The following KMT2C variants were observed in gnomAD, a reference collection of about 807,000 sequenced individuals.
The protein encoded by KMT2C is histone-lysine N-methyltransferase 2C.
Under a neutral mutation model 507.9 loss-of-function variants are expected in KMT2C, and 88 were observed. The ratio of observed to expected loss-of-function variants is 0.17; its 90% CI spans 0.15 to 0.21. The LOEUF is 0.21. KMT2C is among the 10% of genes least tolerant of loss of function. KMT2C has a pLI of 1.00. For missense variants in KMT2C, 4,954 were observed against 5,957.8 expected, an observed-to-expected ratio of 0.83 and a Z score of 5.55; for synonymous variants, 2,049 against 2,080.8, an observed-to-expected ratio of 0.98 and a Z score of 0.42.
At chr7:152,255,792 A>T (rs2095651374) in intron 9 of KMT2C, among the ~76,000 whole-genome samples, 1 of 152,214 alleles carries the variant, frequency 6.6e-6, no homozygotes, top group South Asian at 2.1e-4. Context: ...GTTTTTAGAA[A>T]ACTGAATAGC....
rs2129120295 is a variant in KMT2C, at chr7:152,181,759, G to A, written c.6101C>T (p.Ala2034Val). 3 of 1,614,162 alleles carry A rather than the reference G, an allele frequency of 1.9e-6. No individual in the cohort carries two copies. Among genetic ancestry groups the A allele is most frequent in the Non-Finnish European group, 2.5e-6 (3 of 1,180,034 alleles). Residue 2034 changes from alanine (A) to valine (V), a missense_variant, in exon 36 of 59, where the codon GCA becomes GTA. Around this residue, in one of 29 missense-constraint regions of KMT2C, gnomAD observed 1,689 missense variants for 1,654.3 expected, o/e 1.02. Coordinates refer to ENST00000262189, the MANE Select transcript of KMT2C (RefSeq NM_170606.3). The stretch of plus-strand genomic sequence containing the variant: ...AGGTCCAGGACCACTATCAAGAGGT[G>A]CAGGTGTCAACAAGGGTCGTGCATA... Reference protein sequence around the residue: ...DSYARPLLTPAPLDSGPGPFK... With the variant: ...DSYARPLLTPVPLDSGPGPFK...
At chr7:152,319,999 C>T (rs2096757599) in intron 3 of KMT2C, among the ~76,000 whole-genome samples, 1 of 152,048 alleles carries the variant, frequency 6.6e-6, no homozygotes, top group South Asian at 2.1e-4. Context: ...GGGCCACTAC[C>T]GGTCTCCGCG....
chr7:152,178,014 TTAAAAAAAA>T lies in KMT2C; in HGVS notation c.7443-13_7443-5del. 8.9e-7 allele frequency: 1 copy of T among 1,129,686 alleles called. No homozygotes were observed. Among genetic ancestry groups the T allele is most frequent in the Non-Finnish European group, 1.1e-6 (1 of 936,118 alleles). 70.0% of individuals were successfully genotyped at this position (1,129,686 alleles called of 1,614,324 possible). ...ACTACCTCCTGGAAATCCAAATCTT[TTAAAAAAAA>T]AAAAAAAAAAAAAAAAAAAGCAAAT... On this transcript the variant is annotated splice_polypyrimidine_tract_variant and splice_region_variant and intron_variant, in intron 37 of 58. Transcript: ENST00000262189.
rs777205848 is a variant in KMT2C at position 152,176,348 on chromosome 7, T to C, written c.9105A>G (p.Gln3035=). The change falls in exon 38 of 59, where the codon CAA becomes CAG. Residue 3035 remains glutamine, a synonymous_variant. Coordinates refer to ENST00000262189, the MANE Select transcript of KMT2C (RefSeq NM_170606.3). ...TCTCTCTATTCTGCTGTGCTAATGT[T>C]TGAGGAATCATTAGCTGTTGGGGTC... The part of the protein sequence containing the change: ...MSGPQQLMIP[Q]TLAQQNRERP... The C allele has an allele frequency of 2.4e-5, 38 of 1,614,000 alleles. No homozygotes were observed. Among genetic ancestry groups the C allele is most frequent in the African/African-American group, 5.3e-5 (4 of 74,892 alleles).
intron 16 of KMT2C, among the ~76,000 whole-genome samples, chr7:152,234,488 T>C (rs146045002): frequency 0.013 from 1,975 of 152,206 alleles, 47 homozygotes; most frequent in African/African-American, 0.045. Flanking sequence ...TATAAGAAGA[T>C]ACATTTCCAC....
chr7:152,428,458 CAAAAA>C (rs140697569), intron 1 of KMT2C, among the ~76,000 whole-genome samples: 3 of 73,520 alleles, frequency 4.1e-5, no homozygotes, highest in Non-Finnish European at 5.2e-5. Context: ...ACTAAAAATA[CAAAAA>C]AAAAAAAAAA....
At chr7:152,418,616 C>T (rs557065258) in intron 1 of KMT2C, among the ~76,000 whole-genome samples, 72 of 150,964 alleles carry the variant, frequency 4.8e-4, no homozygotes, top group Non-Finnish European at 9.8e-4. Flanking sequence ...ATTTTTAGTA[C>T]AGAGGGGGTT....
At chr7:152,226,021 T>C (rs1022839894) in intron 18 of KMT2C, among the ~76,000 whole-genome samples, 2 of 151,912 alleles carry the variant, frequency 1.3e-5, no homozygotes, top group Admixed American at 6.6e-5. Flanking sequence ...AGGATGGAGG[T>C]GTATTTTAAG....
intron 1 of KMT2C, among the ~76,000 whole-genome samples, chr7:152,432,788 G>A (rs2097875599): frequency 1.3e-5 from 2 of 152,198 alleles, no homozygotes; most frequent in African/African-American, 2.4e-5. Flanking sequence ...CTTGAGGAAA[G>A]TGTAATTGGT....
intron 23 of KMT2C, among the ~76,000 whole-genome samples, chr7:152,212,384 C>T (rs1415896098): frequency 2.0e-5 from 3 of 152,220 alleles, no homozygotes; most frequent in Non-Finnish European, 4.4e-5. Context: ...AGGATGCCTA[C>T]TCTTAACACT....
intron 23 of KMT2C, among the ~76,000 whole-genome samples, chr7:152,210,485 G>A (rs1348755586): frequency 2.0e-5 from 3 of 151,928 alleles, no homozygotes; most frequent in Non-Finnish European, 4.4e-5. Context: ...TGCTTTAAAT[G>A]CAGCCCAACA....
intron 1 of KMT2C, among the ~76,000 whole-genome samples, chr7:152,423,029 A>C (rs922164124): frequency 4.0e-5 from 6 of 151,454 alleles, no homozygotes; most frequent in African/African-American, 1.5e-4. Context: ...AAAAAAAAAA[A>C]AGAAAAAAAG....
At position 152,136,747 on chromosome 7, in the gene KMT2C, T is replaced by G; in HGVS notation, c.*85A>C. 1.0e-6 allele frequency: 1 copy of G among 959,874 alleles called. No individual in the cohort carries two copies. The allele number at this position is 959,874 out of a possible 1,614,324, so 59.5% of individuals were successfully genotyped here. ...AGTCATAAAACAGAAAACAAAAATC[T>G]CTTTCTGTCTGCAAAATTCCAATGG... On this transcript the variant is annotated 3_prime_UTR_variant, in exon 59 of 59. Transcript: ENST00000262189.
chr7:152,329,141 T>C (rs2129210973), intron 3 of KMT2C, among the ~76,000 whole-genome samples: 1 of 152,188 alleles, frequency 6.6e-6, no homozygotes, highest in Non-Finnish European at 1.5e-5. Context: ...AGACAAAAAG[T>C]AGACAAGATA....
At chr7:152,342,915 C>G (rs1460128866) in intron 2 of KMT2C, among the ~76,000 whole-genome samples, 1 of 152,146 alleles carries the variant, frequency 6.6e-6, no homozygotes, top group Non-Finnish European at 1.5e-5. Context: ...AGAGAACTAT[C>G]TAACTTTAGC....
At position 152,162,473 on chromosome 7, in the gene KMT2C, A is replaced by C; in HGVS notation, c.11104T>G (p.Ser3702Ala). 1 of 1,614,182 alleles carries C rather than the reference A, an allele frequency of 6.2e-7. No individual in the cohort carries two copies. Among genetic ancestry groups the C allele is most frequent in the South Asian group, 1.1e-5 (1 of 91,080 alleles). Residue 3702 changes from serine (S) to alanine (A), a missense_variant, in exon 43 of 59, where the codon TCA becomes GCA. This residue lies in a region of KMT2C where 801 missense variants were observed against 751.2 expected (regional missense o/e 1.07). Coordinates refer to ENST00000262189, the MANE Select transcript of KMT2C (RefSeq NM_170606.3). The stretch of plus-strand genomic sequence containing the variant: ...TCCATGGAGAGCTTGTCTACTTCTG[A>C]ATTTGCATACGTCTGTTGATTTGGA... ...ATPNQQTYANSEVDKLSMETP... is the reference protein window; with the variant it reads ...ATPNQQTYANAEVDKLSMETP...
At chr7:152,330,469 AT>A in intron 3 of KMT2C, 131 bp downstream of exon 3, 1 of 860,548 alleles carries the variant, frequency 1.2e-6, no homozygotes, top group Non-Finnish European at 1.8e-6. Context: ...TCAGCTTCAA[AT>A]TTAGCTACTA....
At chr7:152,362,801 A>C (rs946158102) in intron 1 of KMT2C, among the ~76,000 whole-genome samples, 2 of 152,092 alleles carry the variant, frequency 1.3e-5, no homozygotes, top group African/African-American at 4.8e-5. Flanking sequence ...GCATTGCCCT[A>C]CTTACTCCTT....
intron 1 of KMT2C, among the ~76,000 whole-genome samples, chr7:152,375,356 T>C (rs2097320736): frequency 1.3e-5 from 2 of 151,526 alleles, no homozygotes; most frequent in South Asian, 2.1e-4. Context: ...TTTTTTAAAA[T>C]AGCAAAGGCT....
Sources: allele counts gnomAD v4.1 joint callset (sites outside exome capture counted in the v4.1 genomes callset), GRCh38; gene constraint gnomAD v4.1.1; regional missense constraint gnomAD v4.1.1; transcripts MANE v1.5; gene names NCBI Gene and HGNC (gene_info 2026-07-23, HGNC 2026-07-21).